CD55: variants seen among roughly 807,000 people sequenced by gnomAD.
The protein encoded by CD55 is CD55 molecule (Cromer blood group), also known as complement decay-accelerating factor.
A neutral mutation model predicts 45.8 loss-of-function variants in CD55; 41 were observed. The ratio of observed to expected loss-of-function variants is 0.90; its 90% CI spans 0.70 to 1.16. The LOEUF (loss-of-function observed/expected upper bound fraction) is 1.16. Among genes scored for constraint, CD55 ranks in the 50% most tolerant of loss-of-function variants. CD55 has a pLI of 0.00. For missense variants in CD55, 416 were observed against 469.8 expected (o/e 0.89, Z 1.06); for synonymous variants, 181 against 181.1 (o/e 1.00, Z 0.01).
intron 6 of CD55, among the ~76,000 whole-genome samples, chr1:207,336,000 A>G (rs1655156726): frequency 6.6e-6 from 1 of 152,172 alleles, no homozygotes; most frequent in Non-Finnish European, 1.5e-5. Flanking sequence ...GGCACTACCC[A>G]ATACTGCCTC....
At chr1:207,322,355 C>T (rs200324555) in intron 1 of CD55, 27 bp from the exon 2 acceptor site, 77 of 1,597,296 alleles carry the variant, frequency 4.8e-5, no homozygotes, top group Non-Finnish European at 6.3e-5. Flanking sequence ...ATAGTCATTT[C>T]CTTCAGTTCT....
rs1558142501 is a variant in CD55 at position 207,324,757 on chromosome 1, A to G, written c.478+7A>G. On this transcript the variant is annotated splice_region_variant and intron_variant, in intron 3 of 9. Coordinates refer to ENST00000367064, the MANE Select transcript of CD55 (RefSeq NM_000574.5). ...GCAGTCGAATTTTGTAAAAGTGAGTAAAATTTTTTAAAGTATTTTCAACCA... is the reference window on the plus strand; with the variant it reads ...GCAGTCGAATTTTGTAAAAGTGAGTGAAATTTTTTAAAGTATTTTCAACCA... 1 of 1,577,294 alleles carries G rather than the reference A, an allele frequency of 6.3e-7. No homozygotes were observed.
intron 6 of CD55, 86 bp downstream of exon 6, chr1:207,331,382 GA>G: frequency 2.9e-6 from 3 of 1,050,510 alleles, no homozygotes; most frequent in East Asian, 2.4e-5. Context: ...AACCCCCTAA[GA>G]AAAAAATGTA....
At position 207,327,522 on chromosome 1, in the gene CD55, C is replaced by A. The variant is rs948192772; in HGVS notation, c.664+685C>A. 6.6e-5 allele frequency among the ~76,000 whole-genome samples: 10 copies of A among 152,270 alleles called. No homozygotes were observed. The East Asian group carries it at 1.9e-3, about 29-fold the overall frequency. On this transcript the variant is annotated intron_variant, in intron 5 of 9. Transcript: ENST00000367064. ...ATTTATGTCAATTAGAGACACATGT[C>A]TCTTGGAAATTGAGAGGAATAAAAT...
Position 207,337,319 on chromosome 1 carries a change from C to T in CD55, c.980-10C>T. On this transcript the variant is annotated splice_polypyrimidine_tract_variant and intron_variant, in intron 7 of 9. Transcript: ENST00000367064. Reference sequence around the variant, plus strand: ...GAGTACACAAAGATTCCCTTCTGCTCATATTACAGCAACACGGAGTACACC... The same window carrying T: ...GAGTACACAAAGATTCCCTTCTGCTTATATTACAGCAACACGGAGTACACC... The T allele has an allele frequency of 6.4e-7, 1 of 1,561,528 alleles. No homozygotes were observed. The highest frequency in any genetic ancestry group is 8.8e-7 in the Non-Finnish European group (1 of 1,132,306).
At chr1:207,352,406 C>T (rs1655901943) in intron 9 of CD55, among the ~76,000 whole-genome samples, 1 of 151,914 alleles carries the variant, frequency 6.6e-6, no homozygotes, top group Non-Finnish European at 1.5e-5. Context: ...TTTTTTTTAA[C>T]TTTCATCAGG....
intron 6 of CD55, among the ~76,000 whole-genome samples, chr1:207,333,504 G>T (rs2782826): frequency 0.99 from 151,432 of 152,354 alleles, 75,266 homozygotes; most frequent in Middle Eastern, 1. Context: ...CATCCGGATG[G>T]TTTATATACA....
intron 5 of CD55, among the ~76,000 whole-genome samples, chr1:207,330,726 A>G (rs899167036): frequency 1.3e-5 from 2 of 152,190 alleles, no homozygotes; most frequent in Non-Finnish European, 2.9e-5. Flanking sequence ...GTTTAAACTC[A>G]AGTTCTATTT....
chr1:207,338,455 T>A (rs1161633261), intron 8 of CD55, among the ~76,000 whole-genome samples: 1 of 152,186 alleles, frequency 6.6e-6, no homozygotes, highest in Non-Finnish European at 1.5e-5. Context: ...TAAGCATCAC[T>A]TATAAATTTG....
rs763842871 is a variant in CD55, at chr1:207,324,605, G to A, written c.333G>A (p.Gln111=). 12 of 1,611,188 alleles carry A rather than the reference G, an allele frequency of 7.4e-6. No homozygotes were observed. In the South Asian group the frequency reaches 1.2e-4, roughly 16 times the overall value. Residue 111 remains glutamine, a synonymous_variant, in exon 3 of 10, where the codon CAG becomes CAA. Coordinates refer to ENST00000367064, the MANE Select transcript of CD55 (RefSeq NM_000574.5). Reference sequence around the variant, plus strand: ...GGCTAAATTCTGCATCCCTCAAACAGCCTTATATCACTCAGAATTATTTTC... The same window carrying A: ...GGCTAAATTCTGCATCCCTCAAACAACCTTATATCACTCAGAATTATTTTC... ...PTRLNSASLK[Q]PYITQNYFPV...
At chr1:207,341,562 A>G (rs927272003) in intron 9 of CD55, among the ~76,000 whole-genome samples, 1 of 152,176 alleles carries the variant, frequency 6.6e-6, no homozygotes, top group Non-Finnish European at 1.5e-5. Flanking sequence ...TCAGTTAGCT[A>G]TAAATATGTG....
Position 207,336,836 on chromosome 1 carries a change from G to C in CD55, c.979+18G>C. 1 of 1,613,092 alleles carries C rather than the reference G, an allele frequency of 6.2e-7. No individual in the cohort carries two copies. Among genetic ancestry groups the C allele is most frequent in the Non-Finnish European group, 8.5e-7 (1 of 1,179,590 alleles). ...TGCTCAAGGTACAGAGACTCCATCAGTTCTTCAAAAACACACCACAGAAAA... is the reference window on the plus strand; with the variant it reads ...TGCTCAAGGTACAGAGACTCCATCACTTCTTCAAAAACACACCACAGAAAA... On this transcript the variant is annotated intron_variant, in intron 7 of 9. Transcript: ENST00000367064.
At chr1:207,334,732 G>T (rs927053373) in intron 6 of CD55, among the ~76,000 whole-genome samples, 1 of 131,718 alleles carries the variant, frequency 7.6e-6, no homozygotes, top group Non-Finnish European at 1.6e-5. Context: ...AATAATAATG[G>T]ATATTTAATC....
intron 9 of CD55, among the ~76,000 whole-genome samples, chr1:207,355,659 A>G (rs1281519754): frequency 6.6e-6 from 1 of 152,186 alleles, no homozygotes; most frequent in East Asian, 1.9e-4. Context: ...AAATGTCTAC[A>G]TATCTGTTAT....
At chr1:207,342,970 C>T (rs974101815) in intron 9 of CD55, among the ~76,000 whole-genome samples, 2 of 151,946 alleles carry the variant, frequency 1.3e-5, no homozygotes, top group Non-Finnish European at 2.9e-5. Flanking sequence ...CTAGGTTTTC[C>T]AGTTTGTCAA....
chr1:207,329,562 G>A (rs1654847165), intron 5 of CD55, among the ~76,000 whole-genome samples: 1 of 152,066 alleles, frequency 6.6e-6, no homozygotes, highest in African/African-American at 2.4e-5. Flanking sequence ...TTGCCTTCAT[G>A]TTTTATGCCT....
At chr1:207,343,895 T>G (rs1655528029) in intron 9 of CD55, among the ~76,000 whole-genome samples, 1 of 152,222 alleles carries the variant, frequency 6.6e-6, no homozygotes, top group African/African-American at 2.4e-5. Flanking sequence ...TGAATTGATC[T>G]CTTTGTCAAT....
chr1:207,326,903 G>C (rs1386039469), intron 5 of CD55, 66 bp downstream of exon 5: 10 of 1,152,256 alleles, frequency 8.7e-6, no homozygotes, highest in Admixed American at 1.9e-5. Context: ...ATTAATTTCT[G>C]CCCCTTAAGA....
intron 5 of CD55, among the ~76,000 whole-genome samples, chr1:207,330,003 C>G (rs1367783710): frequency 6.7e-6 from 1 of 148,852 alleles, no homozygotes; most frequent in African/African-American, 2.5e-5. Flanking sequence ...CGGGATGACC[C>G]TTGCATTTTT....
Sources: allele counts gnomAD v4.1 joint callset (sites outside exome capture counted in the v4.1 genomes callset), GRCh38; gene constraint gnomAD v4.1.1; transcripts MANE v1.5; gene names NCBI Gene and HGNC (gene_info 2026-07-23, HGNC 2026-07-21).